FAM168A: variants seen among roughly 807,000 people sequenced by gnomAD.
FAM168A encodes family with sequence similarity 168 member A.
Under a neutral mutation model 28.5 loss-of-function variants are expected in FAM168A, and 3 were observed. That is an observed-to-expected ratio of 0.11 (90% confidence interval 0.05 to 0.27). The LOEUF is 0.27. FAM168A is among the 10% of genes least tolerant of loss of function. The pLI, the probability that FAM168A is intolerant of heterozygous loss-of-function variation, is 1.00. For synonymous variants in FAM168A, 122 were observed against 124.2 expected, an observed-to-expected ratio of 0.98 and a Z score of 0.12; for missense variants, 222 against 311.5, an observed-to-expected ratio of 0.71 and a Z score of 2.16.
At chr11:73,428,098 T>C (rs2134507067) in intron 3 of FAM168A, among the ~76,000 whole-genome samples, 1 of 152,290 alleles carries the variant, frequency 6.6e-6, no homozygotes, top group South Asian at 2.1e-4. Flanking sequence ...AGTCTTTCCT[T>C]TAGTTGCCCT....
chr11:73,450,757 T>C (rs991695994), intron 2 of FAM168A, among the ~76,000 whole-genome samples: 4 of 150,872 alleles, frequency 2.7e-5, no homozygotes, highest in South Asian at 4.2e-4. Flanking sequence ...GCTCAGAACA[T>C]AGGGAAATGC....
chr11:73,483,977 T>C (rs1868003907), intron 1 of FAM168A, among the ~76,000 whole-genome samples: 1 of 152,216 alleles, frequency 6.6e-6, no homozygotes. Flanking sequence ...GATGTAATAA[T>C]TCAGAGCCAA....
chr11:73,441,028 G>C (rs894850916), intron 2 of FAM168A, among the ~76,000 whole-genome samples: 5 of 151,660 alleles, frequency 3.3e-5, no homozygotes, highest in African/African-American at 1.2e-4. Context: ...GCACAAAAAA[G>C]GAATGTTATA....
chr11:73,560,612 G>C (rs1243983326), intron 1 of FAM168A, among the ~76,000 whole-genome samples: 1 of 152,150 alleles, frequency 6.6e-6, no homozygotes, highest in Non-Finnish European at 1.5e-5. Flanking sequence ...CAGAAAAACT[G>C]AAAGAGGTAC....
At chr11:73,481,361 T>C (rs1047195785) in intron 1 of FAM168A, among the ~76,000 whole-genome samples, 1 of 152,238 alleles carries the variant, frequency 6.6e-6, no homozygotes, top group Non-Finnish European at 1.5e-5. Flanking sequence ...GATCAGACTT[T>C]CATCCCTAAT....
chr11:73,583,697 C>G (rs1047038268), intron 1 of FAM168A, among the ~76,000 whole-genome samples: 4 of 152,272 alleles, frequency 2.6e-5, no homozygotes, highest in South Asian at 4.1e-4. Context: ...GAGAACAGCA[C>G]GTGCAAAGAC....
chr11:73,522,280 T>A (rs1943390936), intron 1 of FAM168A, among the ~76,000 whole-genome samples: 1 of 151,642 alleles, frequency 6.6e-6, no homozygotes, highest in Non-Finnish European at 1.5e-5. Flanking sequence ...TAACACAGAA[T>A]CAGCTACTCA....
intron 1 of FAM168A, among the ~76,000 whole-genome samples, chr11:73,581,515 T>A (rs1481979112): frequency 6.6e-6 from 1 of 152,188 alleles, no homozygotes; most frequent in Non-Finnish European, 1.5e-5. Flanking sequence ...CCTGTCCAAG[T>A]CAGACAGCTA....
At chr11:73,489,504 C>G (rs112543618) in intron 1 of FAM168A, among the ~76,000 whole-genome samples, 41 of 150,148 alleles carry the variant, frequency 2.7e-4, no homozygotes, top group African/African-American at 1.0e-3. Context: ...CACACCCCAT[C>G]CCCCACTTTT....
At chr11:73,449,170 A>G (rs1162489316) in intron 2 of FAM168A, among the ~76,000 whole-genome samples, 1 of 152,022 alleles carries the variant, frequency 6.6e-6, no homozygotes, top group Non-Finnish European at 1.5e-5. Context: ...GGGTCTCTCT[A>G]TGTTGCCCAG....
intron 1 of FAM168A, among the ~76,000 whole-genome samples, chr11:73,474,175 G>T (rs1306488226): frequency 6.6e-6 from 1 of 152,048 alleles, no homozygotes; most frequent in Non-Finnish European, 1.5e-5. Context: ...CTGAGACTAG[G>T]TAATTAATAA....
At chr11:73,458,369 T>A (rs1362468101) in intron 2 of FAM168A, among the ~76,000 whole-genome samples, 1 of 152,108 alleles carries the variant, frequency 6.6e-6, no homozygotes, top group Non-Finnish European at 1.5e-5. Flanking sequence ...GTAGAGTGGG[T>A]GCTTCGCATG....
intron 1 of FAM168A, among the ~76,000 whole-genome samples, chr11:73,484,487 C>A (rs1868010808): frequency 8.0e-6 from 1 of 125,632 alleles, no homozygotes; most frequent in African/African-American, 2.8e-5. Flanking sequence ...TCTAGAGGGG[C>A]AGAACTAAGA....
intron 2 of FAM168A, among the ~76,000 whole-genome samples, chr11:73,444,034 G>A (rs1440263618): frequency 6.6e-6 from 1 of 152,200 alleles, no homozygotes; most frequent in Non-Finnish European, 1.5e-5. Context: ...TCATAGTCCA[G>A]TGGGAAGAAC....
At chr11:73,453,857 G>A (rs189982101) in intron 2 of FAM168A, among the ~76,000 whole-genome samples, 3 of 152,242 alleles carry the variant, frequency 2.0e-5, no homozygotes, top group South Asian at 2.1e-4. Flanking sequence ...AGCTGTATTC[G>A]AGGCCACAAA....
chr11:73,436,428 A>T (rs78202807), intron 2 of FAM168A, among the ~76,000 whole-genome samples: 5 of 152,164 alleles, frequency 3.3e-5, no homozygotes, highest in Non-Finnish European at 7.4e-5. Context: ...GAGAATACTT[A>T]GGCAATGAAG....
chr11:73,418,962 C>A (rs1866743414), intron 4 of FAM168A, among the ~76,000 whole-genome samples: 1 of 152,132 alleles, frequency 6.6e-6, no homozygotes. Context: ...GCGCCCACCA[C>A]CATGCCCGGC....
At position 73,409,688 on chromosome 11, in the gene FAM168A, A is replaced by T. The variant is rs764748428; in HGVS notation, c.421-27T>A. 35 of 1,578,202 alleles carry T rather than the reference A, an allele frequency of 2.2e-5. 1 individual carries two copies. The South Asian group carries it at 3.6e-4, about 16-fold the overall frequency. Reference sequence around the variant, plus strand: ...TGGGGGAAAGAGGCTGAGGTCACATAGGCATTTGGAGAGGTAGGTGGGATA... The same window carrying T: ...TGGGGGAAAGAGGCTGAGGTCACATTGGCATTTGGAGAGGTAGGTGGGATA... On this transcript the variant is annotated intron_variant, in intron 5 of 7. Transcript: ENST00000356467.
At chr11:73,499,266 C>T (rs1029446462) in intron 1 of FAM168A, among the ~76,000 whole-genome samples, 2 of 152,066 alleles carry the variant, frequency 1.3e-5, no homozygotes, top group African/African-American at 2.4e-5. Context: ...GCCCTACCTA[C>T]AGAAGAGGGA....
Sources: gnomAD v4.1 joint callset for allele counts (sites outside exome capture counted in the v4.1 genomes callset) on GRCh38, gnomAD v4.1.1 for gene constraint, MANE v1.5 for transcripts, NCBI Gene and HGNC (gene_info 2026-07-23, HGNC 2026-07-21) for gene names.